Variants in CCDC18 observed in about 807,000 individuals in gnomAD.
CCDC18 encodes coiled-coil domain containing 18, also known as coiled-coil domain-containing protein 18.
Under a neutral mutation model 196.0 loss-of-function variants are expected in CCDC18, and 157 were observed. The ratio of observed to expected loss-of-function variants is 0.80; its 90% CI spans 0.70 to 0.91. The LOEUF (loss-of-function observed/expected upper bound fraction) is 0.91, where lower values mean the gene tolerates loss of function less well. Ranked by LOEUF, CCDC18 falls within the 40% of genes least tolerant of loss-of-function variation. The pLI, the probability that CCDC18 is intolerant of heterozygous loss-of-function variation, is 0.00. For missense variants in CCDC18, 1,465 were observed against 1,611.6 expected, an observed-to-expected ratio of 0.91 and a Z score of 1.56; for synonymous variants, 482 against 529.2, an observed-to-expected ratio of 0.91 and a Z score of 1.22.
intron 4 of CCDC18, chr1:93,190,965 A>G: frequency 1.0e-6 from 1 of 966,618 alleles, no homozygotes. Flanking sequence ...GGGCATACAG[A>G]GAATCCTTGC....
intron 18 of CCDC18, among the ~76,000 whole-genome samples, chr1:93,235,111 C>T (rs1458635157): frequency 6.6e-6 from 1 of 151,602 alleles, no homozygotes; most frequent in Non-Finnish European, 1.5e-5. Context: ...AGGTGTGAAC[C>T]ACCGCACCTG....
intron 11 of CCDC18, among the ~76,000 whole-genome samples, chr1:93,213,409 CT>C (rs75496996): frequency 0.19 from 27,307 of 146,910 alleles, 2,706 homozygotes; most frequent in East Asian, 0.31. Flanking sequence ...AATTTTCTCT[CT>C]TTTTTTTTTT....
chr1:93,230,020 C>A (rs906832499), intron 17 of CCDC18, among the ~76,000 whole-genome samples: 2 of 151,326 alleles, frequency 1.3e-5, no homozygotes, highest in African/African-American at 4.9e-5. Context: ...TTTTAAGCAA[C>A]AATTATGAGA....
rs1394315199 is a variant in CCDC18 at position 93,269,119 on chromosome 1, C to T, written c.3886-1228C>T. On this transcript the variant is annotated intron_variant, in intron 27 of 28. Transcript: ENST00000690025. ...CCATAAAAAAGGATGAGTTCATGTC[C>T]TTTGTAGGGACATGGATAAAGCTGG... Among the ~76,000 whole-genome samples, 15 of 152,102 alleles carry T rather than the reference C, an allele frequency of 9.9e-5. No individual in the cohort carries two copies. The East Asian group carries it at 2.7e-3, about 27-fold the overall frequency.
intron 2 of CCDC18, 70 bp downstream of exon 2, chr1:93,183,565 A>G (rs1311156630): frequency 6.3e-6 from 7 of 1,105,760 alleles, no homozygotes; most frequent in Non-Finnish European, 8.7e-6. Flanking sequence ...TGTGGATTTC[A>G]TTATGATGTA....
At chr1:93,243,951 C>A (rs1661165373) in intron 21 of CCDC18, among the ~76,000 whole-genome samples, 1 of 152,182 alleles carries the variant, frequency 6.6e-6, no homozygotes, top group African/African-American at 2.4e-5. Flanking sequence ...CTACCTGTTA[C>A]CCAGTTCCAA....
intron 4 of CCDC18, among the ~76,000 whole-genome samples, chr1:93,188,291 C>T (rs2101567865): frequency 6.6e-6 from 1 of 152,328 alleles, no homozygotes; most frequent in African/African-American, 2.4e-5. Context: ...GTTGTACTTA[C>T]TCTTCTGGAG....
At chr1:93,258,235 A>G (rs1663294559) in intron 25 of CCDC18, among the ~76,000 whole-genome samples, 1 of 152,002 alleles carries the variant, frequency 6.6e-6, no homozygotes, top group Non-Finnish European at 1.5e-5. Flanking sequence ...TGACTTACTT[A>G]TTAAGCTGGT....
intron 27 of CCDC18, among the ~76,000 whole-genome samples, chr1:93,267,880 C>G (rs1294716699): frequency 6.6e-6 from 1 of 152,120 alleles, no homozygotes; most frequent in Non-Finnish European, 1.5e-5. Context: ...TTTATAGATT[C>G]AATGCCATCT....
At chr1:93,278,175 A>G (rs1665735507) in intron 28 of CCDC18, among the ~76,000 whole-genome samples, 1 of 151,954 alleles carries the variant, frequency 6.6e-6, no homozygotes, top group South Asian at 2.1e-4. Context: ...TTTAGTAGAG[A>G]CAGGGTTTCA....
intron 19 of CCDC18, among the ~76,000 whole-genome samples, chr1:93,236,672 C>T (rs1221859962): frequency 6.6e-6 from 1 of 152,144 alleles, no homozygotes; most frequent in Non-Finnish European, 1.5e-5. Flanking sequence ...GTTCCTTATA[C>T]CTCATAGGCA....
intron 23 of CCDC18, among the ~76,000 whole-genome samples, chr1:93,250,808 G>A (rs1662137546): frequency 6.6e-6 from 1 of 152,046 alleles, no homozygotes; most frequent in Non-Finnish European, 1.5e-5. Flanking sequence ...CCATTTGAAT[G>A]GAACATCTTT....
intron 26 of CCDC18, among the ~76,000 whole-genome samples, chr1:93,260,582 A>G (rs896981999): frequency 5.9e-5 from 9 of 152,096 alleles, no homozygotes; most frequent in African/African-American, 2.2e-4. Flanking sequence ...GAGCTAGAAA[A>G]GAGGATCAAT....
intron 21 of CCDC18, 27 bp downstream of exon 21, chr1:93,239,923 C>A: frequency 7.3e-7 from 1 of 1,377,178 alleles, no homozygotes; most frequent in South Asian, 1.2e-5. Context: ...GAAATTATAT[C>A]ACAGTTATAA....
At chr1:93,276,688 CAAG>C (rs1429073288) in intron 28 of CCDC18, among the ~76,000 whole-genome samples, 6 of 152,056 alleles carry the variant, frequency 3.9e-5, no homozygotes, top group African/African-American at 1.4e-4. Flanking sequence ...GAAGGTATGA[CAAG>C]AAAATTTGGC....
In CCDC18 at chr1:93,232,538, A is replaced by G. The variant is rs1235478567; in HGVS notation, c.2405A>G (p.Gln802Arg). Residue 802 changes from glutamine to arginine, a missense_variant, in exon 18 of 29, where the codon CAA (glutamine) becomes CGA (arginine). Transcript: ENST00000690025. ...TLQQQQQMLQ[Q>R]ETIRNGELED... ...CAGCAACAGCAGCAAATGTTACAAC[A>G]AGAGACAATTAGAAATGGAGAGCTA... The G allele has an allele frequency of 1.9e-6, 3 of 1,613,068 alleles. No individual in the cohort carries two copies. The Admixed American group carries it at 5.0e-5, about 27-fold the overall frequency.
intron 9 of CCDC18, among the ~76,000 whole-genome samples, chr1:93,210,283 A>G (rs772715187): frequency 2.0e-5 from 3 of 152,260 alleles, no homozygotes; most frequent in Non-Finnish European, 2.9e-5. Context: ...AGAAAGGTGC[A>G]TATGCTAGTG....
intron 21 of CCDC18, among the ~76,000 whole-genome samples, chr1:93,245,582 T>C (rs1661397100): frequency 6.6e-6 from 1 of 152,142 alleles, no homozygotes; most frequent in Non-Finnish European, 1.5e-5. Flanking sequence ...TATAAGGTTA[T>C]ACATAAATTA....
intron 27 of CCDC18, among the ~76,000 whole-genome samples, chr1:93,267,193 C>A (rs1293481469): frequency 6.6e-6 from 1 of 152,136 alleles, no homozygotes; most frequent in Non-Finnish European, 1.5e-5. Flanking sequence ...AAGACAAAAA[C>A]CACATGATTA....
Sources: allele counts gnomAD v4.1 joint callset (sites outside exome capture counted in the v4.1 genomes callset), GRCh38; gene constraint gnomAD v4.1.1; transcripts MANE v1.5; gene names NCBI Gene and HGNC (gene_info 2026-07-23, HGNC 2026-07-21).